HS3ST3A1: variants seen among roughly 807,000 people sequenced by gnomAD.
The protein encoded by HS3ST3A1 is heparan sulfate glucosamine 3-O-sulfotransferase 3A1.
HS3ST3A1 carries 19 observed loss-of-function variants against 25.7 expected under a neutral mutation model. The ratio of observed to expected loss-of-function variants is 0.74; its 90% confidence interval spans 0.52 to 1.08. HS3ST3A1 has a LOEUF of 1.08. HS3ST3A1 is among the 50% of genes least tolerant of loss of function. HS3ST3A1 has a pLI of 0.00. For missense variants in HS3ST3A1, 459 were observed against 594.3 expected, an observed-to-expected ratio of 0.77 and a Z score of 2.37; for synonymous variants, 226 against 278.6, an observed-to-expected ratio of 0.81 and a Z score of 1.88.
At chr17:13,531,387 G>A (rs1906601606) in intron 1 of HS3ST3A1, among the ~76,000 whole-genome samples, 1 of 152,156 alleles carries the variant, frequency 6.6e-6, no homozygotes, top group Non-Finnish European at 1.5e-5. Context: ...CTATAATGGT[G>A]GAGTTTGGGT....
At chr17:13,508,235 T>C (rs1318552050) in intron 1 of HS3ST3A1, among the ~76,000 whole-genome samples, 1 of 152,196 alleles carries the variant, frequency 6.6e-6, no homozygotes, top group Non-Finnish European at 1.5e-5. Context: ...TTGATTCTTA[T>C]TCTCACTAGT....
intron 1 of HS3ST3A1, among the ~76,000 whole-genome samples, chr17:13,558,445 A>G (rs1391981394): frequency 1.3e-5 from 2 of 152,152 alleles, no homozygotes; most frequent in African/African-American, 4.8e-5. Flanking sequence ...TCAATTATAC[A>G]ATTTAAAAAC....
At chr17:13,546,567 A>G (rs1207340149) in intron 1 of HS3ST3A1, among the ~76,000 whole-genome samples, 2 of 152,174 alleles carry the variant, frequency 1.3e-5, no homozygotes, top group African/African-American at 4.8e-5. Flanking sequence ...CGCCCAGCCC[A>G]TATTACGCTT....
intron 1 of HS3ST3A1, among the ~76,000 whole-genome samples, chr17:13,594,017 G>T (rs776599659): frequency 1.7e-4 from 26 of 152,124 alleles, no homozygotes; most frequent in African/African-American, 6.3e-4. Flanking sequence ...CGGTCTTGGC[G>T]TTGTTTTGTA....
intron 1 of HS3ST3A1, among the ~76,000 whole-genome samples, chr17:13,497,138 C>T (rs1317356894): frequency 1.3e-5 from 2 of 152,076 alleles, no homozygotes; most frequent in Admixed American, 6.6e-5. Context: ...ATCCACAATG[C>T]TGTAAGAAAA....
At chr17:13,539,467 A>G (rs1240287384) in intron 1 of HS3ST3A1, among the ~76,000 whole-genome samples, 3 of 152,146 alleles carry the variant, frequency 2.0e-5, no homozygotes, top group African/African-American at 7.2e-5. Flanking sequence ...GTTAGTGGTC[A>G]CTCTCCATAA....
At chr17:13,578,120 G>A (rs1483123524) in intron 1 of HS3ST3A1, among the ~76,000 whole-genome samples, 1 of 152,102 alleles carries the variant, frequency 6.6e-6, no homozygotes, top group Non-Finnish European at 1.5e-5. Flanking sequence ...GGAGTCCACG[G>A]CAGTTTTAGT....
intron 1 of HS3ST3A1, among the ~76,000 whole-genome samples, chr17:13,590,951 G>T (rs1908407817): frequency 6.6e-6 from 1 of 152,054 alleles, no homozygotes; most frequent in South Asian, 2.1e-4. Flanking sequence ...AGGGTAGCTC[G>T]GTGACACTAG....
At chr17:13,514,366 A>G (rs1313593489) in intron 1 of HS3ST3A1, among the ~76,000 whole-genome samples, 2 of 152,290 alleles carry the variant, frequency 1.3e-5, no homozygotes, top group Admixed American at 6.5e-5. Flanking sequence ...ATAAATATCC[A>G]TCTTTGACTT....
At chr17:13,591,676 T>TG (rs375837192) in intron 1 of HS3ST3A1, among the ~76,000 whole-genome samples, 3,104 of 141,386 alleles carry the variant, frequency 0.022, 42 homozygotes, top group Non-Finnish European at 0.037. Context: ...TTTTTTTTTT[T>TG]GGGACAGAGT....
chr17:13,531,035 C>T (rs1906589520), intron 1 of HS3ST3A1, among the ~76,000 whole-genome samples: 1 of 152,118 alleles, frequency 6.6e-6, no homozygotes, highest in South Asian at 2.1e-4. Context: ...GCAACTATTC[C>T]TGAGGTCGAT....
chr17:13,501,907 A>G (rs1273270041), intron 1 of HS3ST3A1, among the ~76,000 whole-genome samples: 1 of 152,218 alleles, frequency 6.6e-6, no homozygotes, highest in East Asian at 1.9e-4. Flanking sequence ...TTTGAAGGCC[A>G]TGAGCTGGCT....
chr17:13,543,466 T>G (rs942889109), intron 1 of HS3ST3A1: 27 of 167,880 alleles, frequency 1.6e-4, no homozygotes, highest in African/African-American at 5.3e-4. Flanking sequence ...GTGCCACAAC[T>G]TCAACATTTG....
intron 1 of HS3ST3A1, among the ~76,000 whole-genome samples, chr17:13,530,262 T>C (rs988393198): frequency 6.6e-6 from 1 of 152,110 alleles, no homozygotes; most frequent in Non-Finnish European, 1.5e-5. Flanking sequence ...CACTAATCAT[T>C]TGAGGTATAA....
chr17:13,534,572 A>G (rs1242096260), intron 1 of HS3ST3A1, among the ~76,000 whole-genome samples: 1 of 147,738 alleles, frequency 6.8e-6, no homozygotes, highest in African/African-American at 2.5e-5. Context: ...AAAAAAAAAA[A>G]AAAAAGTTAG....
At chr17:13,576,248 C>T (rs974790998) in intron 1 of HS3ST3A1, among the ~76,000 whole-genome samples, 1 of 152,194 alleles carries the variant, frequency 6.6e-6, no homozygotes, top group Non-Finnish European at 1.5e-5. Context: ...AGTGGGTGGT[C>T]CCAGCTCAGC....
chr17:13,593,068 A>G (rs1319725129), intron 1 of HS3ST3A1, among the ~76,000 whole-genome samples: 3 of 152,302 alleles, frequency 2.0e-5, no homozygotes, highest in South Asian at 4.1e-4. Flanking sequence ...GTCTACAACA[A>G]AGGTTAAAAC....
chr17:13,496,179 T>C lies in HS3ST3A1; in HGVS notation c.*18A>G. The C allele has an allele frequency of 6.5e-7, 1 of 1,549,270 alleles. No individual in the cohort carries two copies. The highest frequency in any genetic ancestry group is 1.3e-5 in the South Asian group (1 of 79,536). Reference sequence around the variant, plus strand: ...ATATATTATATTTTGATTTTTTTTTTCTTTTTAAATTATATGGTTATCCAT... The same window carrying C: ...ATATATTATATTTTGATTTTTTTTTCCTTTTTAAATTATATGGTTATCCAT... On this transcript the variant is annotated 3_prime_UTR_variant, in exon 2 of 2. Coordinates refer to ENST00000284110, the MANE Select transcript of HS3ST3A1 (RefSeq NM_006042.3).
At chr17:13,598,401 A>C (rs2142400752) in intron 1 of HS3ST3A1, among the ~76,000 whole-genome samples, 1 of 152,302 alleles carries the variant, frequency 6.6e-6, no homozygotes, top group Non-Finnish European at 1.5e-5. Context: ...GATTTTTTTA[A>C]AATAAGTTTC....
Sources: allele counts gnomAD v4.1 joint callset (sites outside exome capture counted in the v4.1 genomes callset), GRCh38; gene constraint gnomAD v4.1.1; transcripts MANE v1.5; gene names NCBI Gene and HGNC (gene_info 2026-07-23, HGNC 2026-07-21).